The following PFKM variants were observed in gnomAD, a reference collection of about 807,000 sequenced individuals.
The protein encoded by PFKM is phosphofructokinase, muscle, also known as ATP-dependent 6-phosphofructokinase, muscle type.
A neutral mutation model predicts 95.5 loss-of-function variants in PFKM; 58 were observed. That is an observed-to-expected ratio of 0.61 (90% CI 0.49 to 0.76). The LOEUF is 0.76. PFKM is among the 30% of genes least tolerant of loss of function. The probability of loss-of-function intolerance (pLI) is 0.00; values close to 1 mark genes in which losing one functional copy is unlikely to be tolerated. For synonymous variants in PFKM, 336 were observed against 357.2 expected, an observed-to-expected ratio of 0.94 and a Z score of 0.67; for missense variants, 678 against 1,005.4, an observed-to-expected ratio of 0.67 and a Z score of 4.40.
chr12:48,145,134 G>A lies in PFKM; in HGVS notation c.2092+4G>A. On this transcript the variant is annotated splice_donor_region_variant and intron_variant, in intron 21 of 22. Coordinates refer to ENST00000359794, the MANE Select transcript of PFKM (RefSeq NM_000289.6). The surrounding 1 kb of genome is among the most constrained non-coding windows in gnomAD (Gnocchi z 4.3). ...ATCAAAGAGAGTTACCGTAATGGTA[G>A]GTGGGGTGAGAGCGAGTGCCCTCTA... 6.2e-7 allele frequency: 1 copy of A among 1,613,056 alleles called. No homozygotes were observed. Among genetic ancestry groups the A allele is most frequent in the Non-Finnish European group, 8.5e-7 (1 of 1,178,988 alleles).
intron 2 of PFKM, among the ~76,000 whole-genome samples, chr12:48,123,963 A>G (rs989815060): frequency 6.6e-6 from 1 of 152,204 alleles, no homozygotes; most frequent in African/African-American, 2.4e-5. Context: ...AGGTGCTTAG[A>G]ACAGTAGCAG....
intron 14 of PFKM, 29 bp downstream of exon 14, chr12:48,140,900 C>T: frequency 6.2e-7 from 1 of 1,612,518 alleles, no homozygotes; most frequent in African/African-American, 1.3e-5. Context: ...GACCTAGGAG[C>T]AGTCATGGGG....
At chr12:48,140,574 G>T in intron 13 of PFKM, 148 bp from the exon 14 acceptor site, 1 of 815,100 alleles carries the variant, frequency 1.2e-6, no homozygotes. Context: ...GGCATTCCTT[G>T]GGAGAGGGGT....
At chr12:48,129,674 CT>C (rs1392510634) in intron 2 of PFKM, among the ~76,000 whole-genome samples, 2 of 152,182 alleles carry the variant, frequency 1.3e-5, no homozygotes, top group African/African-American at 4.8e-5. Context: ...AGAGAATCAG[CT>C]GTCTGGTAAC....
At position 48,126,024 on chromosome 12, in the gene PFKM, C is replaced by T. The variant is rs191799831; in HGVS notation, c.85+3165C>T. ...TAGAGACCCATTACCCACAGTTCTT[C>T]TTTCTAAAACCTCTTCCCAATATGC... On this transcript the variant is annotated intron_variant, in intron 2 of 22. Coordinates refer to ENST00000359794, the MANE Select transcript of PFKM (RefSeq NM_000289.6). 1.8e-3 allele frequency among the ~76,000 whole-genome samples: 267 copies of T among 152,248 alleles called. 1 individual carries two copies. Among genetic ancestry groups the T allele is most frequent in the African/African-American group, 6.2e-3 (259 of 41,558 alleles).
intron 10 of PFKM, chr12:48,137,431 A>G (rs1305006337): frequency 6.5e-6 from 3 of 460,480 alleles, no homozygotes; most frequent in East Asian, 4.4e-5. Context: ...TGTTTTGTCA[A>G]TAAGAAGGGA....
intron 10 of PFKM, 152 bp downstream of exon 10, chr12:48,135,535 T>A (rs1949994231): frequency 3.3e-6 from 2 of 613,704 alleles, no homozygotes; most frequent in Admixed American, 5.6e-5. Context: ...ACTGACCCAT[T>A]CCCATACACT....
At chr12:48,112,089 A>G (rs1947243622) in intron 3 of PFKM, among the ~76,000 whole-genome samples, 1 of 152,182 alleles carries the variant, frequency 6.6e-6, no homozygotes, top group Non-Finnish European at 1.5e-5. Flanking sequence ...GGCTTATGTA[A>G]GAACTCCGAC....
Position 48,137,089 on chromosome 12 carries a change from T to G in PFKM, c.937-632T>G, listed in dbSNP as rs1294606825. ...TCTTTTTTTTTTTTAAGAGATGGAG[T>G]CTTGCTCTATCACCCAGGCTAGAGT... On this transcript the variant is annotated intron_variant, in intron 10 of 22. Transcript: ENST00000359794. Among the ~76,000 whole-genome samples the G allele has an allele frequency of 2.1e-5, 3 of 142,864 alleles. No homozygotes were observed. In the East Asian group the frequency reaches 6.2e-4, roughly 30 times the overall value. The allele number at this position is 142,864 out of a possible 152,430, so 93.7% of individuals were successfully genotyped here. A position where few individuals can be genotyped will look rare whatever the true frequency, so the allele number is the denominator to read the frequency against.
chr12:48,145,400 C>CTTT lies in PFKM; in HGVS notation c.2198+95_2198+97dup. 10 of 1,131,684 alleles carry CTTT rather than the reference C, an allele frequency of 8.8e-6. No individual in the cohort carries two copies. Among genetic ancestry groups the CTTT allele is most frequent in the Non-Finnish European group, 1.2e-5 (9 of 777,092 alleles). 70.1% of individuals were successfully genotyped at this position (1,131,684 alleles called of 1,614,324 possible). A position where few individuals can be genotyped will look rare whatever the true frequency, so the allele number is the denominator to read the frequency against. On this transcript the variant is annotated intron_variant, in intron 22 of 22. Coordinates refer to ENST00000359794, the MANE Select transcript of PFKM (RefSeq NM_000289.6). The surrounding 1 kb of genome is among the most constrained non-coding windows in gnomAD (Gnocchi z 4.3). ...CTCAACCTGTTCACTGTCTTTAATTCTTTTTTTTTTTTAAGGAGTAACACC... is the reference window on the plus strand; with the variant it reads ...CTCAACCTGTTCACTGTCTTTAATTCTTTTTTTTTTTTTTTAAGGAGTAACACC...
chr12:48,110,585 TA>T (rs981742563), intron 3 of PFKM, among the ~76,000 whole-genome samples: 3 of 152,046 alleles, frequency 2.0e-5, no homozygotes, highest in Non-Finnish European at 4.4e-5. Context: ...TGCCCAAACA[TA>T]AAAAACCCCT....
At position 48,133,369 on chromosome 12, in the gene PFKM, T is replaced by A; in HGVS notation, c.482T>A (p.Leu161Gln). The change falls in exon 6 of 23, where the codon CTG becomes CAG. Residue 161 changes from leucine to glutamine, a missense_variant. Transcript: ENST00000359794. ...TKSSYLNIVG[L>Q]VGSIDNDFCG... ...TCCAGCTACCTGAACATTGTGGGCC[T>A]GGTTGGGTCAATTGACAATGACTTC... The A allele has an allele frequency of 6.2e-7, 1 of 1,613,974 alleles. No homozygotes were observed. Among genetic ancestry groups the A allele is most frequent in the Non-Finnish European group, 8.5e-7 (1 of 1,179,844 alleles).
At chr12:48,134,865 C>T in intron 8 of PFKM, 36 bp downstream of exon 8, 1 of 1,586,738 alleles carries the variant, frequency 6.3e-7, no homozygotes, top group Non-Finnish European at 8.7e-7. Flanking sequence ...AGAAATCCCT[C>T]ACCCTGTTCC....
At position 48,143,771 on chromosome 12, in the gene PFKM, G is replaced by A. The variant is rs1950785183; in HGVS notation, c.1837G>A (p.Val613Met). Residue 613 changes from valine (V) to methionine (M), a missense_variant, in exon 19 of 23, where the codon GTG becomes ATG. Coordinates refer to ENST00000359794, the MANE Select transcript of PFKM (RefSeq NM_000289.6). ...RDLQANVEHL[V>M]QKMKTTVKRG... ...TTTTCAGGCAAATGTTGAACATCTGGTGCAAAAGATGAAAACAACTGTGAA... is the reference window on the plus strand; with the variant it reads ...TTTTCAGGCAAATGTTGAACATCTGATGCAAAAGATGAAAACAACTGTGAA... The A allele has an allele frequency of 6.2e-7, 1 of 1,613,394 alleles. No individual in the cohort carries two copies.
chr12:48,137,876 A>G, intron 11 of PFKM, 30 bp downstream of exon 11: 1 of 1,613,310 alleles, frequency 6.2e-7, no homozygotes, highest in Admixed American at 1.7e-5. Flanking sequence ...CCCTTTCTTA[A>G]CACTCTCAAG....
In PFKM at chr12:48,140,796, T is replaced by C; in HGVS notation, c.1266T>C (p.Thr422=). The part of the protein sequence containing the change: ...AAGMNAAVRS[T]VRIGLIQGNR... ...GCATGAATGCTGCTGTTCGCTCCAC[T>C]GTGAGGATTGGCCTTATCCAGGGCA... The change falls in exon 14 of 23, where the codon ACT becomes ACC. Residue 422 remains threonine, a synonymous_variant. Coordinates refer to ENST00000359794, the MANE Select transcript of PFKM (RefSeq NM_000289.6). The C allele has an allele frequency of 6.2e-7, 1 of 1,614,206 alleles. No individual in the cohort carries two copies. Among genetic ancestry groups the C allele is most frequent in the Non-Finnish European group, 8.5e-7 (1 of 1,180,030 alleles).
chr12:48,137,038 G>A (rs993054518), intron 10 of PFKM, among the ~76,000 whole-genome samples: 8 of 150,006 alleles, frequency 5.3e-5, no homozygotes, highest in African/African-American at 2.0e-4. Context: ...ACTGGCGTAA[G>A]CTACTGGGCC....
chr12:48,142,748 A>G (rs929407723), intron 17 of PFKM, 34 bp from the exon 18 acceptor site: 2 of 1,598,066 alleles, frequency 1.3e-6, no homozygotes, highest in Non-Finnish European at 1.7e-6. Flanking sequence ...GCCCCTGATC[A>G]TGTCTTTCTA....
In PFKM at chr12:48,137,769, C is replaced by G; in HGVS notation, c.985C>G (p.Pro329Ala). The change falls in exon 11 of 23, where the codon CCA (proline) becomes GCA (alanine). Residue 329 changes from proline to alanine, a missense_variant. Transcript: ENST00000359794. Reference protein sequence around the residue: ...EAVMALLEGTPDTPACVVSLS... With the variant: ...EAVMALLEGTADTPACVVSLS... ...AGTGATGGCACTTTTGGAGGGGACC[C>G]CAGATACCCCAGCCTGTGTAGTGAG... The G allele has an allele frequency of 6.2e-7, 1 of 1,614,084 alleles. No homozygotes were observed. Among genetic ancestry groups the G allele is most frequent in the Non-Finnish European group, 8.5e-7 (1 of 1,179,966 alleles).
Sources: gnomAD v4.1 joint callset for allele counts (sites outside exome capture counted in the v4.1 genomes callset) on GRCh38, gnomAD v4.1.1 for gene constraint, Gnocchi (gnomAD v3.1) non-coding constraint, MANE v1.5 for transcripts, NCBI Gene and HGNC (gene_info 2026-07-23, HGNC 2026-07-21) for gene names.